Variants in HTR4 observed in about 807,000 individuals in gnomAD.
HTR4 encodes 5-hydroxytryptamine (serotonin) receptor 4, G protein-coupled.
HTR4 carries 16 observed loss-of-function variants against 36.8 expected under a neutral mutation model. That is an observed-to-expected ratio of 0.43 (90% CI 0.29 to 0.66). The LOEUF (loss-of-function observed/expected upper bound fraction) is 0.66, where lower values mean the gene tolerates loss of function less well. HTR4 is among the 30% of genes least tolerant of loss of function. The pLI, the probability that HTR4 is intolerant of heterozygous loss-of-function variation, is 0.13. For missense variants in HTR4, 438 were observed against 490.9 expected, an observed-to-expected ratio of 0.89 and a Z score of 1.02; for synonymous variants, 189 against 185.1, an observed-to-expected ratio of 1.02 and a Z score of -0.17.
chr5:148,505,697 G>A (rs914203299), intron 6 of HTR4, among the ~76,000 whole-genome samples: 17 of 152,048 alleles, frequency 1.1e-4, no homozygotes, highest in African/African-American at 3.6e-4. Flanking sequence ...AAATCAATGT[G>A]CAAAAATCAC....
intron 2 of HTR4, among the ~76,000 whole-genome samples, chr5:148,552,634 G>A (rs1285016467): frequency 6.6e-6 from 1 of 152,086 alleles, no homozygotes; most frequent in Non-Finnish European, 1.5e-5. Flanking sequence ...TTAACCCCCA[G>A]TTAGTGTACC....
chr5:148,558,958 T>C (rs147889050), intron 2 of HTR4, among the ~76,000 whole-genome samples: 1 of 152,218 alleles, frequency 6.6e-6, no homozygotes, highest in African/African-American at 2.4e-5. Context: ...ACATTGTAAA[T>C]GGAAAATGCA....
At chr5:148,594,954 C>CTTAT (rs1761712798) in intron 2 of HTR4, among the ~76,000 whole-genome samples, 1 of 151,910 alleles carries the variant, frequency 6.6e-6, no homozygotes, top group Admixed American at 6.6e-5. Flanking sequence ...GAAGCTTTGA[C>CTTAT]ATAAGAAATA....
At chr5:148,653,267 CA>C (rs1175676991) in intron 1 of HTR4, among the ~76,000 whole-genome samples, 1 of 152,114 alleles carries the variant, frequency 6.6e-6, no homozygotes, top group Non-Finnish European at 1.5e-5. Flanking sequence ...TTGATTGGAC[CA>C]AATGGAAATC....
chr5:148,451,111 A>C, exon 6 of HTR4: 1 of 1,603,952 alleles, frequency 6.2e-7, no homozygotes, highest in Non-Finnish European at 8.5e-7. Context: ...TGAGGTTCAG[A>C]AGTGATGCCA....
intron 1 of HTR4, among the ~76,000 whole-genome samples, chr5:148,641,513 G>C (rs1236420653): frequency 6.6e-6 from 1 of 152,214 alleles, no homozygotes; most frequent in African/African-American, 2.4e-5. Flanking sequence ...AGGTACAAAT[G>C]CATGTCTCAA....
In HTR4 at chr5:148,519,167, T is replaced by C. The variant is rs1757895236; in HGVS notation, c.507+4026A>G. Among the ~76,000 whole-genome samples, 5 of 152,160 alleles carry C rather than the reference T, an allele frequency of 3.3e-5. No individual in the cohort carries two copies. In the South Asian group the frequency reaches 1.0e-3, roughly 31 times the overall value. ...AAAATGAATATTAAACATAGTAATA[T>C]TGTGTTGGTTAGATGATATTGAAAC... On this transcript the variant is annotated intron_variant, in intron 5 of 6. Transcript: ENST00000377888.
At chr5:148,540,184 C>T (rs1185138443) in intron 4 of HTR4, among the ~76,000 whole-genome samples, 1 of 151,034 alleles carries the variant, frequency 6.6e-6, no homozygotes, top group East Asian at 1.9e-4. Flanking sequence ...AACTCATGAA[C>T]ACAAAAAAGG....
chr5:148,647,364 C>T (rs1253261581), intron 1 of HTR4, among the ~76,000 whole-genome samples: 1 of 152,178 alleles, frequency 6.6e-6, no homozygotes, highest in East Asian at 1.9e-4. Flanking sequence ...ACCAAAACTG[C>T]CGATCTTTGG....
chr5:148,609,318 C>A (rs923482742), intron 2 of HTR4, among the ~76,000 whole-genome samples: 22 of 152,284 alleles, frequency 1.4e-4, no homozygotes, highest in African/African-American at 4.8e-4. Context: ...AGCTGGGTAT[C>A]TTCTCTTCCT....
intron 2 of HTR4, among the ~76,000 whole-genome samples, chr5:148,598,576 G>A (rs1761870991): frequency 6.6e-6 from 1 of 151,996 alleles, no homozygotes; most frequent in South Asian, 2.1e-4. Flanking sequence ...AAAGCCAGTA[G>A]TTGAGATCAG....
At chr5:148,641,405 C>T (rs539057350) in intron 1 of HTR4, among the ~76,000 whole-genome samples, 140 of 152,258 alleles carry the variant, frequency 9.2e-4, no homozygotes, top group African/African-American at 3.1e-3. Flanking sequence ...CCATACTAAT[C>T]CCCTTCGGAG....
chr5:148,455,845 T>C (rs980039313), intron 5 of HTR4, among the ~76,000 whole-genome samples: 1 of 152,002 alleles, frequency 6.6e-6, no homozygotes, highest in African/African-American at 2.4e-5. Context: ...TAAGAGAGCA[T>C]ATATTTACTA....
At chr5:148,503,010 G>A (rs375941518) in intron 6 of HTR4, among the ~76,000 whole-genome samples, 11 of 152,308 alleles carry the variant, frequency 7.2e-5, no homozygotes, top group East Asian at 1.9e-4. Context: ...CCAAATCTAC[G>A]TCTGATTGGT....
At chr5:148,481,508 G>T (rs199937443), downstream of HTR4, 3 of 1,446,810 alleles carry the variant, frequency 2.1e-6, no homozygotes, top group Non-Finnish European at 2.8e-6. Context: ...CTCCCCAACA[G>T]AATTAAGTCT....
intron 2 of HTR4, among the ~76,000 whole-genome samples, chr5:148,583,644 TCATC>T (rs1352499107): frequency 2.0e-5 from 3 of 151,730 alleles, no homozygotes; most frequent in African/African-American, 7.3e-5. Context: ...ATCATCATCA[TCATC>T]ATTATTATCA....
At chr5:148,619,325 T>C (rs1752824276) in intron 2 of HTR4, among the ~76,000 whole-genome samples, 1 of 152,130 alleles carries the variant, frequency 6.6e-6, no homozygotes, top group Non-Finnish European at 1.5e-5. Context: ...TTAATGATGC[T>C]TGCAAGAAAA....
chr5:148,550,931 C>T (rs190934199), intron 2 of HTR4, among the ~76,000 whole-genome samples: 1 of 152,278 alleles, frequency 6.6e-6, no homozygotes, highest in African/African-American at 2.4e-5. Context: ...CAGATCACAC[C>T]TTATTACCCT....
chr5:148,653,942 T>C, intron 1 of HTR4, 120 bp downstream of exon 1: 1 of 561,230 alleles, frequency 1.8e-6, no homozygotes, highest in Non-Finnish European at 2.3e-6. Flanking sequence ...CAAAGCCGGG[T>C]GTCCTGAGTC....
Sources: allele counts gnomAD v4.1 joint callset (sites outside exome capture counted in the v4.1 genomes callset), GRCh38; gene constraint gnomAD v4.1.1; transcripts MANE v1.5; gene names NCBI Gene and HGNC (gene_info 2026-07-23, HGNC 2026-07-21).